ARFIP1: variants seen among roughly 807,000 people sequenced by gnomAD.
ARFIP1 encodes arfaptin-1.
ARFIP1 carries 24 observed loss-of-function variants against 42.5 expected under a neutral mutation model. The observed-to-expected ratio is 0.57, with a 90% CI of 0.41 to 0.80. The LOEUF is 0.80. ARFIP1 is among the 30% of genes least tolerant of loss of function. The pLI is 0.00. For missense variants in ARFIP1, 354 were observed against 434.0 expected (o/e 0.82, Z 1.64); for synonymous variants, 141 against 153.7 (o/e 0.92, Z 0.61).
intron 1 of ARFIP1, among the ~76,000 whole-genome samples, chr4:152,795,695 T>A (rs1313974283): frequency 2.0e-5 from 3 of 152,114 alleles, no homozygotes; most frequent in Admixed American, 6.5e-5. Flanking sequence ...ACTAATGGAA[T>A]GTTTTGTCAT....
chr4:152,804,472 A>G (rs1328761643), intron 1 of ARFIP1, among the ~76,000 whole-genome samples: 1 of 109,526 alleles, frequency 9.1e-6, no homozygotes, highest in Non-Finnish European at 1.8e-5. Context: ...TATATAATAT[A>G]TATAATATAT....
intron 4 of ARFIP1, 90 bp downstream of exon 4, chr4:152,870,938 CTTAGGTGTGTG>C: frequency 9.1e-7 from 1 of 1,104,384 alleles, no homozygotes; most frequent in Non-Finnish European, 1.3e-6. Context: ...GCTTTATATT[CTTAGGTGTGTG>C]TGATTCTGAC....
chr4:152,874,289 G>T (rs1296371362), intron 5 of ARFIP1, among the ~76,000 whole-genome samples: 1 of 152,106 alleles, frequency 6.6e-6, no homozygotes, highest in Non-Finnish European at 1.5e-5. Flanking sequence ...TCTTTAAAAT[G>T]TTATACATAT....
chr4:152,889,206 A>G (rs1224709360), intron 8 of ARFIP1, among the ~76,000 whole-genome samples: 1 of 151,974 alleles, frequency 6.6e-6, no homozygotes, highest in Non-Finnish European at 1.5e-5. Flanking sequence ...ATTTTAGTAA[A>G]CTATAACTGT....
intron 1 of ARFIP1, among the ~76,000 whole-genome samples, chr4:152,791,534 T>C (rs1731145843): frequency 6.6e-6 from 1 of 152,222 alleles, no homozygotes; most frequent in Non-Finnish European, 1.5e-5. Context: ...AAGCTCTGTT[T>C]TCTGAATATA....
chr4:152,830,481 A>G (rs1731173373), intron 2 of ARFIP1, among the ~76,000 whole-genome samples: 1 of 152,192 alleles, frequency 6.6e-6, no homozygotes, highest in Non-Finnish European at 1.5e-5. Flanking sequence ...CATTTGATGC[A>G]AGTGTACAAC....
intron 1 of ARFIP1, chr4:152,796,543 T>C: frequency 1.3e-6 from 1 of 776,642 alleles, no homozygotes; most frequent in Admixed American, 1.9e-5. Context: ...GAAAGTACTT[T>C]AGCTCGAGAT....
At chr4:152,907,754 G>A (rs115735487) in intron 8 of ARFIP1, among the ~76,000 whole-genome samples, 2,435 of 152,228 alleles carry the variant, frequency 0.016, 29 homozygotes, top group Non-Finnish European at 0.025. Context: ...TCCCCATTGC[G>A]TTGAGAGACC....
chr4:152,878,832 A>G (rs1475048176), intron 5 of ARFIP1, among the ~76,000 whole-genome samples: 2 of 152,188 alleles, frequency 1.3e-5, no homozygotes, highest in Non-Finnish European at 2.9e-5. Flanking sequence ...GACTTAATGG[A>G]TTATTATATC....
chr4:152,810,558 C>T (rs1042860349), intron 1 of ARFIP1, among the ~76,000 whole-genome samples: 3 of 151,808 alleles, frequency 2.0e-5, no homozygotes, highest in Non-Finnish European at 4.4e-5. Context: ...CCTGTAATGG[C>T]AGTATTTCGG....
At chr4:152,790,781 TGGA>T (rs1714678605) in intron 1 of ARFIP1, among the ~76,000 whole-genome samples, 1 of 147,384 alleles carries the variant, frequency 6.8e-6, no homozygotes, top group Admixed American at 6.8e-5. Flanking sequence ...TTGCCCAGGC[TGGA>T]GTGTAGTGTC....
intron 3 of ARFIP1, 50 bp downstream of exon 3, chr4:152,863,764 G>A (rs1315198278): frequency 4.1e-6 from 5 of 1,210,966 alleles, no homozygotes; most frequent in Non-Finnish European, 6.0e-6. Flanking sequence ...GATGGGAGAA[G>A]TTCACCAAAT....
At chr4:152,841,510 G>A (rs1027663328) in intron 2 of ARFIP1, among the ~76,000 whole-genome samples, 1 of 152,116 alleles carries the variant, frequency 6.6e-6, no homozygotes, top group Non-Finnish European at 1.5e-5. Context: ...GCTTTAAAGA[G>A]GTTCTGTTTT....
intron 1 of ARFIP1, among the ~76,000 whole-genome samples, chr4:152,810,814 TA>T (rs994964085): frequency 1.3e-5 from 2 of 151,250 alleles, no homozygotes; most frequent in Non-Finnish European, 3.0e-5. Context: ...AGACTCTGTC[TA>T]AAAAAAAAGA....
chr4:152,868,426 A>C (rs1336681451), intron 3 of ARFIP1, among the ~76,000 whole-genome samples: 1 of 152,126 alleles, frequency 6.6e-6, no homozygotes, highest in Non-Finnish European at 1.5e-5. Context: ...TTTATTTTTT[A>C]GTTGGTATTG....
chr4:152,863,721 G>A lies in ARFIP1; in HGVS notation c.202+7G>A. ...GAAGCAGGAGCATTTCAAGGTAAGA[G>A]CCCATATATTTGTAAAGATGGCTGG... On this transcript the variant is annotated splice_region_variant and intron_variant, in intron 3 of 8. Transcript: ENST00000353617. The A allele has an allele frequency of 2.6e-6, 4 of 1,560,646 alleles. No individual in the cohort carries two copies. Among genetic ancestry groups the A allele is most frequent in the Non-Finnish European group, 3.5e-6 (4 of 1,134,292 alleles).
At chr4:152,846,690 TAGTG>T (rs1239954399) in intron 2 of ARFIP1, among the ~76,000 whole-genome samples, 1 of 152,162 alleles carries the variant, frequency 6.6e-6, no homozygotes, top group Non-Finnish European at 1.5e-5. Context: ...TTTTATAGAC[TAGTG>T]AAGAGATCTC....
rs573875430 is a variant in ARFIP1, at chr4:152,832,393, T to C, written c.93+2667T>C. Among the ~76,000 whole-genome samples the C allele has an allele frequency of 6.6e-5, 10 of 152,350 alleles. No individual in the cohort carries two copies. The East Asian group carries it at 1.7e-3, about 26-fold the overall frequency. ...TGGAGATTGTCTTTTATAAAGTACT[T>C]TTCCAAGCCTTTTGCCCGTTTTTCT... On this transcript the variant is annotated intron_variant, in intron 2 of 8. Transcript: ENST00000353617.
At chr4:152,848,116 A>G (rs1019401835) in intron 2 of ARFIP1, among the ~76,000 whole-genome samples, 5 of 152,158 alleles carry the variant, frequency 3.3e-5, no homozygotes, top group African/African-American at 1.2e-4. Context: ...TCGGAGTCTC[A>G]CTATGTTATT....
Sources: gnomAD v4.1 joint callset for allele counts (sites outside exome capture counted in the v4.1 genomes callset) on GRCh38, gnomAD v4.1.1 for gene constraint, MANE v1.5 for transcripts, NCBI Gene and HGNC (gene_info 2026-07-23, HGNC 2026-07-21) for gene names.